Variants in ADAMTS16 observed in about 807,000 individuals in gnomAD.
The protein encoded by ADAMTS16 is ADAM metallopeptidase with thrombospondin type 1 motif 16.
In ADAMTS16, 94 loss-of-function variants were observed where a neutral mutation model predicts 145.8. That is an observed-to-expected ratio of 0.64 (90% CI 0.55 to 0.77). The LOEUF (loss-of-function observed/expected upper bound fraction) is 0.77, where lower values mean the gene tolerates loss of function less well. Among genes scored for constraint, ADAMTS16 ranks in the 30% least tolerant of loss-of-function variants. ADAMTS16 has a pLI of 0.00. For missense variants in ADAMTS16, 1,585 were observed against 1,591.5 expected, an observed-to-expected ratio of 1.00 and a Z score of 0.07; for synonymous variants, 659 against 604.3, an observed-to-expected ratio of 1.09 and a Z score of -1.33.
chr5:5,262,738 C>G lies in ADAMTS16; in HGVS notation c.2744C>G (p.Pro915Arg), dbSNP rs1163465891. ...TCCTTCTGCAATCCCAAGACACGAC[C>G]TGTCACGGGGCTGGTGCCTTGCAAA... The part of the protein sequence containing the change: ...NMSFCNPKTR[P>R]VTGLVPCKVS... The change falls in exon 18 of 23, where the codon CCT becomes CGT. Residue 915 changes from proline to arginine, a missense_variant. Physicochemically the swap from Pro to Arg is moderately radical, Grantham distance 103. Around this residue, in one of 3 missense-constraint regions of ADAMTS16, gnomAD observed 834 missense variants for 811.7 expected, o/e 1.03. Transcript: ENST00000274181. 1.2e-6 allele frequency: 2 copies of G among 1,614,252 alleles called. No individual in the cohort carries two copies.
chr5:5,222,296 G>A (rs932229075), intron 10 of ADAMTS16, among the ~76,000 whole-genome samples: 1 of 148,494 alleles, frequency 6.7e-6, no homozygotes, highest in South Asian at 2.2e-4. Flanking sequence ...ACAGATTTGG[G>A]GATGGTGGAT....
chr5:5,252,657 T>G (rs562947028), intron 17 of ADAMTS16, among the ~76,000 whole-genome samples: 1 of 152,290 alleles, frequency 6.6e-6, no homozygotes, highest in African/African-American at 2.4e-5. Flanking sequence ...TCTTTATAGA[T>G]TAAAGTCAAA....
intron 8 of ADAMTS16, among the ~76,000 whole-genome samples, chr5:5,193,134 A>G (rs563565990): frequency 1.4e-4 from 20 of 145,108 alleles, no homozygotes; most frequent in Non-Finnish European, 2.5e-4. Context: ...GACTTGTTCA[A>G]AGCAGTGTGT....
intron 8 of ADAMTS16, among the ~76,000 whole-genome samples, chr5:5,197,963 A>G (rs1310313823): frequency 1.3e-5 from 2 of 152,150 alleles, no homozygotes; most frequent in African/African-American, 4.8e-5. Context: ...GGGTAGCTAC[A>G]TTGTGCTCTG....
At chr5:5,271,935 T>G (rs1034059184) in intron 18 of ADAMTS16, among the ~76,000 whole-genome samples, 5 of 152,198 alleles carry the variant, frequency 3.3e-5, no homozygotes, top group Non-Finnish European at 5.9e-5. Context: ...GGTCCGTAGC[T>G]CTGCCTGCTG....
At chr5:5,262,230 C>T (rs1738059082) in intron 17 of ADAMTS16, among the ~76,000 whole-genome samples, 1 of 152,148 alleles carries the variant, frequency 6.6e-6, no homozygotes, top group African/African-American at 2.4e-5. Context: ...GTCTATGTTT[C>T]CTGCTGATTT....
intron 8 of ADAMTS16, among the ~76,000 whole-genome samples, chr5:5,197,057 C>T (rs938774091): frequency 3.9e-5 from 6 of 152,168 alleles, no homozygotes; most frequent in African/African-American, 7.2e-5. Context: ...ATGAAGCCTG[C>T]GTCAGGGCTC....
chr5:5,193,064 T>C (rs1735706254), intron 8 of ADAMTS16, among the ~76,000 whole-genome samples: 1 of 152,204 alleles, frequency 6.6e-6, no homozygotes, highest in Non-Finnish European at 1.5e-5. Flanking sequence ...GGCAAGTGTT[T>C]GTGATTTGTG....
At chr5:5,190,272 G>C in intron 7 of ADAMTS16, 142 bp downstream of exon 7, 3 of 839,812 alleles carry the variant, frequency 3.6e-6, no homozygotes, top group Non-Finnish European at 5.2e-6. Flanking sequence ...TCACTTCCCT[G>C]TATAAACTTT....
rs749031215 is a variant in ADAMTS16, at chr5:5,186,106, C to G, written c.818C>G (p.Ser273Cys). ...TTCATCTTGCCAGATGAGTATAAGT[C>G]TTGCTTACGGCATAAGCGCTCTCTT... ...DLFILPDEYK[S>C]CLRHKRSLLR... The change falls in exon 5 of 23, where the codon TCT becomes TGT. Residue 273 changes from serine (S) to cysteine (C), a missense_variant. Physicochemically the swap from Ser to Cys is moderately radical, Grantham distance 112 (BLOSUM62 -1). This residue lies in a region of ADAMTS16 where 453 missense variants were observed against 412.1 expected (regional missense o/e 1.10). Transcript: ENST00000274181. 1.1e-5 allele frequency: 18 copies of G among 1,613,956 alleles called. No individual in the cohort carries two copies. The African/African-American group carries it at 2.4e-4, about 22-fold the overall frequency.
rs1740165722 is a variant in ADAMTS16, at chr5:5,306,513, A to G, written c.3196A>G (p.Thr1066Ala). ...GTTCTCTTCTTTTTAGTGCTCTGTG[A>G]CATGTGAAAGAGGAACACAGAAAAG... ...LVSAWSQCSV[T>A]CERGTQKRFL... Residue 1066 changes from threonine to alanine, a missense_variant, in exon 21 of 23, where the codon ACA (threonine) becomes GCA (alanine). Coordinates refer to ENST00000274181, the MANE Select transcript of ADAMTS16 (RefSeq NM_139056.4). 1 of 1,613,016 alleles carries G rather than the reference A, an allele frequency of 6.2e-7. No homozygotes were observed. The highest frequency in any genetic ancestry group is 1.3e-5 in the African/African-American group (1 of 75,024).
At chr5:5,213,858 A>G (rs754186065) in intron 10 of ADAMTS16, among the ~76,000 whole-genome samples, 5 of 152,188 alleles carry the variant, frequency 3.3e-5, no homozygotes, top group Admixed American at 6.5e-5. Flanking sequence ...GGAATCTCCT[A>G]TGTGGCAGCT....
chr5:5,205,682 T>C (rs970827075), intron 9 of ADAMTS16, among the ~76,000 whole-genome samples: 4 of 152,270 alleles, frequency 2.6e-5, no homozygotes, highest in African/African-American at 9.6e-5. Context: ...TGCAATTCCC[T>C]AATGACATAT....
chr5:5,318,978 G>A (rs1414976903), intron 22 of ADAMTS16, 45 bp from the exon 23 acceptor site: 9 of 1,411,852 alleles, frequency 6.4e-6, no homozygotes, highest in Admixed American at 1.8e-5. Flanking sequence ...AACATCAGTC[G>A]CTGCACTCGG....
intron 18 of ADAMTS16, among the ~76,000 whole-genome samples, chr5:5,265,199 G>A (rs1235645577): frequency 2.0e-5 from 3 of 152,202 alleles, no homozygotes; most frequent in African/African-American, 7.2e-5. Context: ...TTGTGTCAAA[G>A]ACAAACAAAG....
intron 17 of ADAMTS16, among the ~76,000 whole-genome samples, chr5:5,248,497 A>G (rs1188965783): frequency 1.3e-5 from 2 of 152,162 alleles, no homozygotes; most frequent in Non-Finnish European, 2.9e-5. Flanking sequence ...TCTCTTATCT[A>G]TTAATATAGA....
In ADAMTS16 at chr5:5,319,621, T is replaced by C. The variant is rs1465337621; in HGVS notation, c.*483T>C. 2 of 331,722 alleles carry C rather than the reference T, an allele frequency of 6.0e-6. No homozygotes were observed. The highest frequency in any genetic ancestry group is 1.2e-5 in the Non-Finnish European group (2 of 172,526). The allele number at this position is 331,722 out of a possible 1,614,324, so 20.5% of individuals were successfully genotyped here. A position where few individuals can be genotyped will look rare whatever the true frequency, so the allele number is the denominator to read the frequency against. On this transcript the variant is annotated 3_prime_UTR_variant, in exon 23 of 23. Coordinates refer to ENST00000274181, the MANE Select transcript of ADAMTS16 (RefSeq NM_139056.4). ...GAGCCATCAGGAGTGACCAACTTCC[T>C]GGGTGGAGGTCAGGGGAGCTCCAGG...
At chr5:5,202,111 A>T (rs1011316968) in intron 9 of ADAMTS16, among the ~76,000 whole-genome samples, 1 of 152,042 alleles carries the variant, frequency 6.6e-6, no homozygotes, top group African/African-American at 2.4e-5. Context: ...GATTGCCCCT[A>T]TGGCTGCGTC....
intron 8 of ADAMTS16, 111 bp from the exon 9 acceptor site, chr5:5,200,021 T>C (rs758461020): frequency 2.3e-5 from 30 of 1,294,114 alleles, no homozygotes; most frequent in Non-Finnish European, 3.1e-5. Context: ...CTGCCTAGCA[T>C]ATAGGGGTGA....
Sources: gnomAD v4.1 joint callset for allele counts (sites outside exome capture counted in the v4.1 genomes callset) on GRCh38, gnomAD v4.1.1 for gene constraint, gnomAD v4.1.1 regional missense constraint, MANE v1.5 for transcripts, NCBI Gene and HGNC (gene_info 2026-07-23, HGNC 2026-07-21) for gene names.